Variants in ATP10A observed in about 807,000 individuals in gnomAD.
ATP10A encodes the protein ATPase phospholipid transporting 10A (putative).
Under a neutral mutation model 147.8 loss-of-function variants are expected in ATP10A, and 111 were observed. That is an observed-to-expected ratio of 0.75 (90% CI 0.64 to 0.88). The LOEUF (loss-of-function observed/expected upper bound fraction) is 0.88, where lower values mean the gene tolerates loss of function less well. ATP10A is among the 40% of genes least tolerant of loss of function. ATP10A has a pLI of 0.00. For missense variants in ATP10A, 1,927 were observed against 1,959.0 expected, an observed-to-expected ratio of 0.98 and a Z score of 0.31; for synonymous variants, 875 against 841.6, an observed-to-expected ratio of 1.04 and a Z score of -0.69.
chr15:25,845,560 C>G (rs1892986860), intron 1 of ATP10A, among the ~76,000 whole-genome samples: 1 of 152,170 alleles, frequency 6.6e-6, no homozygotes, highest in Non-Finnish European at 1.5e-5. Flanking sequence ...AGACCACAGA[C>G]AGGGCACCCG....
chr15:25,808,048 A>G (rs1416104777), intron 1 of ATP10A, among the ~76,000 whole-genome samples: 6 of 152,212 alleles, frequency 3.9e-5, no homozygotes, highest in Admixed American at 3.3e-4. Flanking sequence ...CACACGTATC[A>G]CTGGCTGATA....
chr15:25,779,683 T>A (rs1889799621), intron 2 of ATP10A, among the ~76,000 whole-genome samples: 2 of 152,194 alleles, frequency 1.3e-5, no homozygotes. Flanking sequence ...AGGCTGTGCC[T>A]CGAGGGGCCC....
intron 12 of ATP10A, among the ~76,000 whole-genome samples, chr15:25,704,067 T>C (rs1900828316): frequency 6.6e-6 from 1 of 152,228 alleles, no homozygotes; most frequent in Non-Finnish European, 1.5e-5. Flanking sequence ...CATCTGACCT[T>C]AGCTTTGCTC....
chr15:25,677,506 G>A (rs4906743), downstream of ATP10A: 29,056 of 152,122 alleles, frequency 0.19, 3,293 homozygotes, highest in South Asian at 0.31. Context: ...TGGAAGCTGG[G>A]AATCTGGAAC....
intron 6 of ATP10A, among the ~76,000 whole-genome samples, chr15:25,722,290 A>G (rs7168235): frequency 0.99 from 150,017 of 152,288 alleles, 73,941 homozygotes; most frequent in East Asian, 1. Flanking sequence ...ACCACACTCC[A>G]TGGTGGCATT....
intron 1 of ATP10A, among the ~76,000 whole-genome samples, chr15:25,847,453 T>G (rs1345779001): frequency 6.6e-6 from 1 of 152,058 alleles, no homozygotes; most frequent in African/African-American, 2.4e-5. Flanking sequence ...GCTAGAGAAA[T>G]ACGTGAAGTT....
chr15:25,690,298 C>T (rs973467855), intron 15 of ATP10A, among the ~76,000 whole-genome samples: 29 of 150,674 alleles, frequency 1.9e-4, no homozygotes, highest in Non-Finnish European at 3.7e-4. Flanking sequence ...AGCTTGAGTG[C>T]AGTGGTGCAA....
chr15:25,847,226 C>T (rs1456727481), intron 1 of ATP10A, among the ~76,000 whole-genome samples: 2 of 49,152 alleles, frequency 4.1e-5, no homozygotes, highest in Non-Finnish European at 7.0e-5. Flanking sequence ...GAGCAGCACG[C>T]GCAGGCACTC....
chr15:25,783,766 T>A (rs2140717864), intron 1 of ATP10A, among the ~76,000 whole-genome samples: 1 of 152,316 alleles, frequency 6.6e-6, no homozygotes. Context: ...GTTCCCAAAG[T>A]TGTTCTTCCT....
At chr15:25,848,643 T>C (rs539663591) in intron 1 of ATP10A, 1 of 154,398 alleles carries the variant, frequency 6.5e-6, no homozygotes, top group African/African-American at 2.4e-5. Context: ...GTAGTATTCA[T>C]ATCGGATCTC....
At chr15:25,786,912 G>A (rs1890197249) in intron 1 of ATP10A, among the ~76,000 whole-genome samples, 1 of 151,656 alleles carries the variant, frequency 6.6e-6, no homozygotes. Context: ...TGGGATTACA[G>A]GTGTGAGCCA....
intron 1 of ATP10A, among the ~76,000 whole-genome samples, chr15:25,807,555 C>A (rs1891246745): frequency 6.6e-6 from 1 of 152,202 alleles, no homozygotes. Flanking sequence ...GTAATCCCAG[C>A]ACTTTGGGAG....
chr15:25,689,760 A>G (rs1240630274), intron 15 of ATP10A, among the ~76,000 whole-genome samples: 1 of 152,210 alleles, frequency 6.6e-6, no homozygotes, highest in East Asian at 1.9e-4. Flanking sequence ...CACCTGCCCT[A>G]TGGCTCAGCT....
intron 2 of ATP10A, among the ~76,000 whole-genome samples, chr15:25,767,427 GA>G (rs566794144): frequency 6.2e-4 from 94 of 152,324 alleles, no homozygotes; most frequent in African/African-American, 2.2e-3. Context: ...TGGGGTTGGG[GA>G]GTGCTGTAAG....
At chr15:25,700,000 A>T (rs2140338463) in intron 13 of ATP10A, among the ~76,000 whole-genome samples, 1 of 152,362 alleles carries the variant, frequency 6.6e-6, no homozygotes, top group East Asian at 1.9e-4. Flanking sequence ...TAGCCCACAA[A>T]GGACTTACAT....
At chr15:25,722,266 C>G (rs1470947181) in intron 6 of ATP10A, among the ~76,000 whole-genome samples, 1 of 152,162 alleles carries the variant, frequency 6.6e-6, no homozygotes, top group Non-Finnish European at 1.5e-5. Context: ...TCCTCATAAG[C>G]AAGGTCACCT....
chr15:25,850,375 A>G (rs1893230175), intron 1 of ATP10A, among the ~76,000 whole-genome samples: 1 of 152,164 alleles, frequency 6.6e-6, no homozygotes, highest in Admixed American at 6.5e-5. Context: ...CGAGACAGAC[A>G]GCGTGGATGC....
chr15:25,753,670 A>T (rs908412469), intron 2 of ATP10A, among the ~76,000 whole-genome samples: 70 of 151,636 alleles, frequency 4.6e-4, no homozygotes, highest in African/African-American at 1.6e-3. Context: ...GCTGGACAGA[A>T]GTGTACATTG....
chr15:25,725,719 C>T (rs1902502346), intron 5 of ATP10A, among the ~76,000 whole-genome samples: 1 of 152,114 alleles, frequency 6.6e-6, no homozygotes, highest in Middle Eastern at 3.4e-3. Context: ...GCTGCAACCT[C>T]CCCCTCCCGG....
Sources: gnomAD v4.1 joint callset for allele counts (sites outside exome capture counted in the v4.1 genomes callset) on GRCh38, gnomAD v4.1.1 for gene constraint, MANE v1.5 for transcripts, NCBI Gene and HGNC (gene_info 2026-07-23, HGNC 2026-07-21) for gene names.